HS3ST6: variants seen among roughly 807,000 people sequenced by gnomAD.
HS3ST6 encodes the protein heparan sulfate-glucosamine 3-sulfotransferase 6.
In HS3ST6, 13 loss-of-function variants were observed where a neutral mutation model predicts 11.0. The observed-to-expected ratio is 1.18, with a 90% CI of 0.77 to 1.88. HS3ST6 has a LOEUF of 1.88. HS3ST6 is among the 40% of genes most tolerant of loss of function. HS3ST6 has a pLI of 0.00. For synonymous variants in HS3ST6, 232 were observed against 230.6 expected (o/e 1.01, Z -0.06); for missense variants, 541 against 494.4 (o/e 1.09, Z -0.89).
chr16:1,914,469 T>C (rs1240979973), intron 1 of HS3ST6, among the ~76,000 whole-genome samples: 1 of 152,138 alleles, frequency 6.6e-6, no homozygotes, highest in Non-Finnish European at 1.5e-5. Context: ...AGTCACTGCC[T>C]GCTTTTCCCC....
intron 1 of HS3ST6, 22 bp downstream of exon 1, chr16:1,917,889 G>A (rs2082936983): frequency 1.5e-6 from 2 of 1,378,612 alleles, no homozygotes; most frequent in Non-Finnish European, 1.9e-6. Context: ...GCCGGTCAGG[G>A]CGGACGGGCC....
Position 1,911,646 on chromosome 16 carries a change from G to A in HS3ST6, c.973C>T (p.Arg325Trp), listed in dbSNP as rs201418398. 65 of 1,609,428 alleles carry A rather than the reference G, an allele frequency of 4.0e-5. No homozygotes were observed. The highest frequency in any genetic ancestry group is 9.9e-5 in the South Asian group (9 of 90,650). The change falls in exon 2 of 2, where the codon CGG becomes TGG. Residue 325 changes from arginine (R) to tryptophan (W), a missense_variant. By Grantham distance (101) the Arg-to-Trp change is moderately radical. Transcript: ENST00000454677. ...TGGTAGAACCTGCGGTTGAAGGGCCGGTAGAACTCCTGCAGGCGCCGGACC... is the reference window on the plus strand; with the variant it reads ...TGGTAGAACCTGCGGTTGAAGGGCCAGTAGAACTCCTGCAGGCGCCGGACC... ...ALVRRLQEFY[R>W]PFNRRFYQMT...
upstream of HS3ST6, among the ~76,000 whole-genome samples, chr16:1,919,877 G>A (rs2082951713): frequency 1.3e-5 from 2 of 152,248 alleles, no homozygotes; most frequent in South Asian, 2.1e-4. Context: ...GGCACAATGC[G>A]AGGAGAGCAT....
At chr16:1,917,873 G>C in intron 1 of HS3ST6, 38 bp downstream of exon 1, 13 of 1,326,838 alleles carry the variant, frequency 9.8e-6, no homozygotes, top group Non-Finnish European at 1.3e-5. Context: ...CCCTCCCCAG[G>C]AAGGCGCCGG....
upstream of HS3ST6, among the ~76,000 whole-genome samples, chr16:1,920,515 C>T (rs932123928): frequency 1.3e-5 from 2 of 152,038 alleles, no homozygotes; most frequent in African/African-American, 4.8e-5. Flanking sequence ...GCACTGGTTC[C>T]GTGATGGCTC....
chr16:1,917,652 G>T (rs942341834), intron 1 of HS3ST6, among the ~76,000 whole-genome samples: 5 of 152,180 alleles, frequency 3.3e-5, no homozygotes, highest in African/African-American at 4.8e-5. Flanking sequence ...AGTCCTGCTG[G>T]GTCCCTCAGC....
In HS3ST6 at chr16:1,918,281, G is replaced by T; in HGVS notation, c.43C>A (p.Gln15Lys). 1.1e-6 allele frequency: 1 copy of T among 880,550 alleles called. No homozygotes were observed. Among genetic ancestry groups the T allele is most frequent in the Non-Finnish European group, 1.4e-6 (1 of 732,234 alleles). 54.5% of individuals were successfully genotyped at this position (880,550 alleles called of 1,614,324 possible). A position where few individuals can be genotyped will look rare whatever the true frequency, so the allele number is the denominator to read the frequency against. Reference sequence around the variant, plus strand: ...GCCCCTTGCCCGGCCCCTGCGCCCTGGCCGCCCCCGGCCCCGCCGCCCAGG... The same window carrying T: ...GCCCCTTGCCCGGCCCCTGCGCCCTTGCCGCCCCCGGCCCCGCCGCCCAGG... The part of the protein sequence containing the change: ...GGLGGGAGGG[Q>K]GAGAGQGAAL... The change falls in exon 1 of 2, where the codon CAG becomes AAG. Residue 15 changes from glutamine (Q) to lysine (K), a missense_variant. By Grantham distance (53) the Gln-to-Lys change is moderately conservative. Transcript: ENST00000454677. This position sits in a 1 kb window ranked among gnomAD's most constrained non-coding sequence, Gnocchi z 6.0.
intron 1 of HS3ST6, among the ~76,000 whole-genome samples, chr16:1,915,141 C>A (rs1167123817): frequency 1.3e-5 from 2 of 152,224 alleles, no homozygotes; most frequent in African/African-American, 4.8e-5. Flanking sequence ...CTGCATCCCC[C>A]ACAGGAGACC....
At chr16:1,913,071 C>T (rs1344887577) in intron 1 of HS3ST6, among the ~76,000 whole-genome samples, 6 of 152,180 alleles carry the variant, frequency 3.9e-5, no homozygotes, top group African/African-American at 7.2e-5. Context: ...GGATTACAGA[C>T]GTGAGCCACT....
chr16:1,919,632 A>C, upstream of HS3ST6, among the ~76,000 whole-genome samples: 1 of 152,212 alleles, frequency 6.6e-6, no homozygotes, highest in East Asian at 1.9e-4. Flanking sequence ...GAGCCGTTCC[A>C]GCCCTGATGG....
chr16:1,911,601 CGAA>C lies in HS3ST6; in HGVS notation c.1015_1017del (p.Phe339del). On this transcript the variant is annotated inframe_deletion, in exon 2 of 2. Transcript: ENST00000454677. ...CCCCAGGGTGCCGCTCAGCCCCAGC[CGAA>C]GTCCTGGCCCGTCATCTGGTAGAAC... The C allele has an allele frequency of 1.9e-6, 3 of 1,601,834 alleles. No individual in the cohort carries two copies. The highest frequency in any genetic ancestry group is 1.7e-4 in the Middle Eastern group (1 of 6,032).
chr16:1,917,967 C>T lies in HS3ST6; in HGVS notation c.357G>A (p.Leu119=), dbSNP rs2150846782. Residue 119 remains leucine (L), a synonymous_variant, in exon 1 of 2, where the codon CTG becomes CTA. Coordinates refer to ENST00000454677, the MANE Select transcript of HS3ST6 (RefSeq NM_001009606.4). ...TGTCGAAGAAGTGGGGCTCAGAGCC[C>T]AGCGCGCGGACGTCGGGGTGCAGCC... ...FLRLHPDVRA[L]GSEPHFFDRC... The T allele has an allele frequency of 6.6e-7, 1 of 1,524,492 alleles. No individual in the cohort carries two copies. The highest frequency in any genetic ancestry group is 2.6e-5 in the East Asian group (1 of 37,762). 94.4% of individuals were successfully genotyped at this position (1,524,492 alleles called of 1,614,324 possible). A position where few individuals can be genotyped will look rare whatever the true frequency, so the allele number is the denominator to read the frequency against.
Position 1,918,033 on chromosome 16 carries a change from G to T in HS3ST6, c.291C>A (p.Gly97=). The T allele has an allele frequency of 6.5e-7, 1 of 1,528,508 alleles. No homozygotes were observed. Among genetic ancestry groups the T allele is most frequent in the Non-Finnish European group, 8.7e-7 (1 of 1,145,424 alleles). The allele number at this position is 1,528,508 out of a possible 1,614,324, so 94.7% of individuals were successfully genotyped here. A position where few individuals can be genotyped will look rare whatever the true frequency, so the allele number is the denominator to read the frequency against. ...RRRFPQALIV[G]VKKGGTRALL... is the part of the protein sequence containing the mutation. The stretch of plus-strand genomic sequence containing the variant: ...GGGCGCGCGTGCCGCCCTTCTTCAC[G>T]CCAACGATGAGCGCTTGCGGGAAGC... The change falls in exon 1 of 2, where the codon GGC becomes GGA. Residue 97 remains glycine, a synonymous_variant. Coordinates refer to ENST00000454677, the MANE Select transcript of HS3ST6 (RefSeq NM_001009606.4). The surrounding 1 kb of genome is among the most constrained non-coding windows in gnomAD (Gnocchi z 6.0).
chr16:1,914,669 C>A (rs1209680353), intron 1 of HS3ST6, among the ~76,000 whole-genome samples: 1 of 152,208 alleles, frequency 6.6e-6, no homozygotes, highest in Non-Finnish European at 1.5e-5. Context: ...CAGGCCTTCT[C>A]TCCAAAGAGT....
rs560613201 is a variant in HS3ST6, at chr16:1,917,940, C to T, written c.384G>A (p.Arg128=). 6.6e-7 allele frequency: 1 copy of T among 1,505,784 alleles called. No individual in the cohort carries two copies. Among genetic ancestry groups the T allele is most frequent in the Admixed American group, 2.0e-5 (1 of 49,326 alleles). 93.3% of individuals were successfully genotyped at this position (1,505,784 alleles called of 1,614,324 possible). ...ALGSEPHFFD[R]CYERGLAWYR... Reference sequence around the variant, plus strand: ...ACCAGGCGAGGCCGCGCTCGTAGCACCTGTCGAAGAAGTGGGGCTCAGAGC... The same window carrying T: ...ACCAGGCGAGGCCGCGCTCGTAGCATCTGTCGAAGAAGTGGGGCTCAGAGC... The change falls in exon 1 of 2, where the codon AGG becomes AGA. Residue 128 remains arginine (R), a synonymous_variant. Transcript: ENST00000454677.
At chr16:1,917,498 G>C (rs564087150) in intron 1 of HS3ST6, among the ~76,000 whole-genome samples, 1 of 152,286 alleles carries the variant, frequency 6.6e-6, no homozygotes, top group South Asian at 2.1e-4. Context: ...CCTGGAACCT[G>C]GAGGCCCCTT....
chr16:1,916,430 AC>A (rs1426858346), intron 1 of HS3ST6, among the ~76,000 whole-genome samples: 1 of 135,708 alleles, frequency 7.4e-6, no homozygotes, highest in Non-Finnish European at 1.6e-5. Context: ...CCGGAACCCC[AC>A]CCCCAGGCTA....
At chr16:1,917,208 A>T (rs1314865693) in intron 1 of HS3ST6, among the ~76,000 whole-genome samples, 1 of 152,202 alleles carries the variant, frequency 6.6e-6, no homozygotes, top group Admixed American at 6.5e-5. Flanking sequence ...GGCCTTGGGC[A>T]GGGTCCTCTC....
At chr16:1,914,198 C>T (rs1192247045) in intron 1 of HS3ST6, among the ~76,000 whole-genome samples, 2 of 152,146 alleles carry the variant, frequency 1.3e-5, no homozygotes, top group East Asian at 3.9e-4. Context: ...TGGTGTCAGT[C>T]CCAGAGCCCC....
Sources: allele counts gnomAD v4.1 joint callset (sites outside exome capture counted in the v4.1 genomes callset), GRCh38; gene constraint gnomAD v4.1.1; non-coding constraint Gnocchi (gnomAD v3.1); transcripts MANE v1.5; gene names NCBI Gene and HGNC (gene_info 2026-07-23, HGNC 2026-07-21).